Variants in P2RY2 observed in about 807,000 individuals in gnomAD.
P2RY2 encodes P2Y purinoceptor 2.
For missense variants in P2RY2, 567 were observed against 515.7 expected (o/e 1.10, Z -0.96); for synonymous variants, 241 against 231.9 (o/e 1.04, Z -0.35).
chr11:73,231,480 C>T (rs1862455798), intron 2 of P2RY2, among the ~76,000 whole-genome samples: 1 of 151,366 alleles, frequency 6.6e-6, no homozygotes, highest in African/African-American at 2.4e-5. Context: ...TTGCTTGAAC[C>T]CAGGAGACAG....
chr11:73,234,904 G>T lies in P2RY2; in HGVS notation c.745G>T (p.Val249Leu). Residue 249 changes from valine (V) to leucine (L), a missense_variant, in exon 3 of 3, where the codon GTG becomes TTG. Transcript: ENST00000393597. ...GCGCAAGTCCGTGCGCACCATCGCCGTGGTGCTGGCTGTCTTCGCCCTCTG... is the reference window on the plus strand; with the variant it reads ...GCGCAAGTCCGTGCGCACCATCGCCTTGGTGCTGGCTGTCTTCGCCCTCTG... ...AKRKSVRTIAVVLAVFALCFL... is the reference protein window; with the variant it reads ...AKRKSVRTIALVLAVFALCFL... The T allele has an allele frequency of 6.2e-7, 1 of 1,610,820 alleles. No individual in the cohort carries two copies.
At chr11:73,233,889 T>G in intron 2 of P2RY2, 1 of 515,460 alleles carries the variant, frequency 1.9e-6, no homozygotes. Context: ...TGGGCACCGT[T>G]GTGTTCCAAC....
At chr11:73,229,402 G>C (rs1862382457) in intron 2 of P2RY2, among the ~76,000 whole-genome samples, 1 of 152,130 alleles carries the variant, frequency 6.6e-6, no homozygotes, top group Non-Finnish European at 1.5e-5. Flanking sequence ...GGTGAGCGTT[G>C]GATAGTCAGG....
intron 1 of P2RY2, among the ~76,000 whole-genome samples, chr11:73,223,105 A>G (rs1398922143): frequency 6.6e-6 from 1 of 152,202 alleles, no homozygotes; most frequent in Non-Finnish European, 1.5e-5. Flanking sequence ...ATAGAATTGA[A>G]GAAACACAGC....
chr11:73,222,708 A>T (rs1324125393), intron 1 of P2RY2, among the ~76,000 whole-genome samples: 3 of 150,758 alleles, frequency 2.0e-5, no homozygotes, highest in Non-Finnish European at 4.4e-5. Context: ...CACCTGACAA[A>T]CTCCTAATCA....
chr11:73,234,865 CTGCCTAGGG>C lies in P2RY2; in HGVS notation c.707_715del (p.Leu236_Ala239delinsPro). Reference sequence around the variant, plus strand: ...GCCAGCCTACGGGACCTCGGGCGGCCTGCCTAGGGCCAAGCGCAAGTCCGTGCGCACCAT... The same window carrying C: ...GCCAGCCTACGGGACCTCGGGCGGCCCCAAGCGCAAGTCCGTGCGCACCAT... On this transcript the variant is annotated inframe_deletion, in exon 3 of 3. Coordinates refer to ENST00000393597, the MANE Select transcript of P2RY2 (RefSeq NM_002564.4). 6.2e-7 allele frequency: 1 copy of C among 1,610,640 alleles called. No individual in the cohort carries two copies. The highest frequency in any genetic ancestry group is 1.1e-5 in the South Asian group (1 of 91,082).
In P2RY2 at chr11:73,236,537, CA is replaced by C. The variant is rs1862658087; in HGVS notation, c.*1245del. 1 of 981,964 alleles carries C rather than the reference CA, an allele frequency of 1.0e-6. No homozygotes were observed. The highest frequency in any genetic ancestry group is 6.2e-5 in the Admixed American group (1 of 16,248). 60.8% of individuals were successfully genotyped at this position (981,964 alleles called of 1,614,324 possible). On this transcript the variant is annotated 3_prime_UTR_variant, in exon 3 of 3. Transcript: ENST00000393597. Reference sequence around the variant, plus strand: ...CGGAAGAACATCCACACACAGGATGCATCCCAGGCAAAGACATGGGGCAAGA... The same window carrying C: ...CGGAAGAACATCCACACACAGGATGCTCCCAGGCAAAGACATGGGGCAAGA...
At chr11:73,234,112 C>G (rs755853902) in intron 2 of P2RY2, 44 bp from the exon 3 acceptor site, 32 of 1,556,668 alleles carry the variant, frequency 2.1e-5, no homozygotes, top group Admixed American at 7.3e-5. Flanking sequence ...CCTAGGGGCG[C>G]TCCGGCCACA....
intron 2 of P2RY2, among the ~76,000 whole-genome samples, chr11:73,233,605 G>A (rs1862523811): frequency 1.3e-5 from 2 of 152,208 alleles, no homozygotes; most frequent in South Asian, 4.1e-4. Flanking sequence ...TTCTAGAGAG[G>A]GGTAAGAAAA....
chr11:73,222,421 A>G lies in P2RY2; in HGVS notation c.-200+3989A>G, dbSNP rs368709898. Among the ~76,000 whole-genome samples, 31 of 151,958 alleles carry G rather than the reference A, an allele frequency of 2.0e-4. 1 individual carries two copies. The East Asian group carries it at 5.0e-3, about 25-fold the overall frequency. Reference sequence around the variant, plus strand: ...AGACTCCCTGTCCCATCTACCTTCCATGTGGCACCATCTTTGTAAAGGTTG... The same window carrying G: ...AGACTCCCTGTCCCATCTACCTTCCGTGTGGCACCATCTTTGTAAAGGTTG... On this transcript the variant is annotated intron_variant, in intron 1 of 2. Coordinates refer to ENST00000393597, the MANE Select transcript of P2RY2 (RefSeq NM_002564.4).
chr11:73,221,515 T>C (rs1354268973), intron 1 of P2RY2, among the ~76,000 whole-genome samples: 4 of 152,268 alleles, frequency 2.6e-5, no homozygotes, highest in East Asian at 1.9e-4. Flanking sequence ...GTGGCCAGAT[T>C]ACCCAACTGC....
At position 73,240,980 on chromosome 11, in the gene P2RY2, G is replaced by A. The variant is rs1169241759; in HGVS notation, c.*5687G>A. The A allele has an allele frequency of 3.3e-5, 5 of 152,268 alleles. No individual in the cohort carries two copies. Among genetic ancestry groups the A allele is most frequent in the Admixed American group, 2.0e-4 (3 of 15,286 alleles). The allele number at this position is 152,268 out of a possible 1,614,324, so 9.4% of individuals were successfully genotyped here. A position where few individuals can be genotyped will look rare whatever the true frequency, so the allele number is the denominator to read the frequency against. On this transcript the variant is annotated 3_prime_UTR_variant, in exon 3 of 3. Coordinates refer to ENST00000393597, the MANE Select transcript of P2RY2 (RefSeq NM_002564.4). ...AACTGCCAAGGTGATGGTATTAGAA[G>A]GTGGGGCCTTTGGGAAGTAACCAGG... is the stretch of plus-strand genomic sequence containing the variant.
chr11:73,225,184 C>A (rs1308345766), intron 1 of P2RY2, among the ~76,000 whole-genome samples: 1 of 152,224 alleles, frequency 6.6e-6, no homozygotes, highest in Non-Finnish European at 1.5e-5. Context: ...ATTCCAGAGC[C>A]ACTCTAGTGG....
chr11:73,227,411 A>G (rs1057206804), intron 1 of P2RY2, among the ~76,000 whole-genome samples: 6 of 151,668 alleles, frequency 4.0e-5, no homozygotes, highest in African/African-American at 1.5e-4. Context: ...GTGACTCTGC[A>G]TGCCTCTGTG....
intron 1 of P2RY2, among the ~76,000 whole-genome samples, chr11:73,226,466 C>T (rs1783597): frequency 0.26 from 39,185 of 151,878 alleles, 6,019 homozygotes; most frequent in African/African-American, 0.42. Flanking sequence ...AAGGTGCACT[C>T]AGTAAGCAGT....
intron 2 of P2RY2, among the ~76,000 whole-genome samples, chr11:73,232,780 C>T (rs983856033): frequency 4.6e-5 from 7 of 152,198 alleles, no homozygotes; most frequent in Non-Finnish European, 8.8e-5. Context: ...TGCCCCTTCA[C>T]ACTGCTAGAA....
intron 2 of P2RY2, among the ~76,000 whole-genome samples, chr11:73,229,611 G>A (rs754080963): frequency 1.4e-4 from 22 of 152,080 alleles, no homozygotes; most frequent in African/African-American, 4.8e-4. Flanking sequence ...CCAGGGCCAC[G>A]GCGATGGAGT....
chr11:73,231,119 G>T (rs928598831), intron 2 of P2RY2, among the ~76,000 whole-genome samples: 3 of 152,126 alleles, frequency 2.0e-5, no homozygotes, highest in Admixed American at 1.3e-4. Flanking sequence ...CGGCCTCCTC[G>T]CCCTGGTTTT....
intron 2 of P2RY2, among the ~76,000 whole-genome samples, chr11:73,231,098 T>C (rs1031871471): frequency 6.6e-6 from 1 of 152,186 alleles, no homozygotes; most frequent in Admixed American, 6.5e-5. Flanking sequence ...TGGCACCACA[T>C]AAGCATCTCC....
Sources: allele counts gnomAD v4.1 joint callset (sites outside exome capture counted in the v4.1 genomes callset), GRCh38; gene constraint gnomAD v4.1.1; transcripts MANE v1.5; gene names NCBI Gene and HGNC (gene_info 2026-07-23, HGNC 2026-07-21).